Variants in CCBE1 observed in about 807,000 individuals in gnomAD.
CCBE1 encodes collagen and calcium-binding EGF domain-containing protein 1.
Under a neutral mutation model 50.0 loss-of-function variants are expected in CCBE1, and 37 were observed. The observed-to-expected ratio is 0.74, with a 90% confidence interval of 0.57 to 0.97. CCBE1 has a LOEUF of 0.97. Among genes scored for constraint, CCBE1 ranks in the 50% least tolerant of loss-of-function variants. The probability of loss-of-function intolerance (pLI) is 0.00; values close to 1 mark genes in which losing one functional copy is unlikely to be tolerated. For synonymous variants in CCBE1, 234 were observed against 203.7 expected (o/e 1.15, Z -1.27); for missense variants, 538 against 523.8 (o/e 1.03, Z -0.26).
chr18:59,662,389 A>G (rs1409857935), intron 2 of CCBE1, among the ~76,000 whole-genome samples: 1 of 152,258 alleles, frequency 6.6e-6, no homozygotes, highest in African/African-American at 2.4e-5. Flanking sequence ...TTTACAACGT[A>G]TATTACAAGG....
At chr18:59,535,842 C>T (rs1447684977) in intron 2 of CCBE1, among the ~76,000 whole-genome samples, 1 of 151,982 alleles carries the variant, frequency 6.6e-6, no homozygotes, top group Non-Finnish European at 1.5e-5. Flanking sequence ...ATAATAAAAT[C>T]AAGATTTAGG....
At chr18:59,665,792 A>T (rs1360719205) in intron 2 of CCBE1, among the ~76,000 whole-genome samples, 3 of 152,214 alleles carry the variant, frequency 2.0e-5, no homozygotes, top group Non-Finnish European at 4.4e-5. Context: ...GAGCAGAGCA[A>T]GTGGGTCTAG....
At chr18:59,540,612 CT>C (rs1915431049) in intron 2 of CCBE1, among the ~76,000 whole-genome samples, 2 of 152,330 alleles carry the variant, frequency 1.3e-5, no homozygotes, top group African/African-American at 4.8e-5. Flanking sequence ...CTTAACATGG[CT>C]GCTTCCACAA....
At chr18:59,645,370 A>T (rs1485937390) in intron 2 of CCBE1, among the ~76,000 whole-genome samples, 1 of 152,260 alleles carries the variant, frequency 6.6e-6, no homozygotes, top group Admixed American at 6.5e-5. Context: ...TGTGACAGGT[A>T]ACAGAAAATG....
At chr18:59,510,426 C>CTT (rs35277466) in intron 2 of CCBE1, among the ~76,000 whole-genome samples, 1 of 147,400 alleles carries the variant, frequency 6.8e-6, no homozygotes, top group Non-Finnish European at 1.5e-5. Flanking sequence ...GCAAATTGAA[C>CTT]TTTTTTTTTT....
chr18:59,630,668 A>T (rs1001681499), intron 2 of CCBE1, among the ~76,000 whole-genome samples: 18 of 152,224 alleles, frequency 1.2e-4, no homozygotes, highest in African/African-American at 3.9e-4. Context: ...CCTCTCCAGC[A>T]TGATGGTCTC....
At chr18:59,588,680 G>A (rs563895159) in intron 2 of CCBE1, among the ~76,000 whole-genome samples, 1 of 152,220 alleles carries the variant, frequency 6.6e-6, no homozygotes, top group Non-Finnish European at 1.5e-5. Flanking sequence ...CTAGCAATGA[G>A]AGCTAGCAAT....
chr18:59,500,112 C>T (rs1300643349), intron 2 of CCBE1, among the ~76,000 whole-genome samples: 2 of 152,184 alleles, frequency 1.3e-5, no homozygotes, highest in African/African-American at 4.8e-5. Flanking sequence ...GCAAGACTAT[C>T]CTGAGGACCT....
chr18:59,637,074 A>G (rs968399817), intron 2 of CCBE1, among the ~76,000 whole-genome samples: 1 of 152,200 alleles, frequency 6.6e-6, no homozygotes, highest in African/African-American at 2.4e-5. Context: ...CTCCCAATGC[A>G]TTACCTTAAG....
At position 59,435,279 on chromosome 18, in the gene CCBE1, C is replaced by T. The variant is rs1047281804; in HGVS notation, c.*629G>A. Reference sequence around the variant, plus strand: ...TAACAGTAAATATATGACTGTGATTCTTTTCTATCTTCTCTAAACGCCATT... The same window carrying T: ...TAACAGTAAATATATGACTGTGATTTTTTTCTATCTTCTCTAAACGCCATT... On this transcript the variant is annotated 3_prime_UTR_variant, in exon 11 of 11. Transcript: ENST00000439986. 6.5e-6 allele frequency: 1 copy of T among 155,012 alleles called. No homozygotes were observed. Among genetic ancestry groups the T allele is most frequent in the Non-Finnish European group, 1.4e-5 (1 of 69,880 alleles). 9.6% of individuals were successfully genotyped at this position (155,012 alleles called of 1,614,324 possible).
chr18:59,531,639 T>G (rs567195094), intron 2 of CCBE1, among the ~76,000 whole-genome samples: 1 of 152,212 alleles, frequency 6.6e-6, no homozygotes, highest in South Asian at 2.1e-4. Flanking sequence ...TCCCAGATAA[T>G]TGAGAGGCTG....
chr18:59,559,582 G>A (rs945368479), intron 2 of CCBE1, among the ~76,000 whole-genome samples: 3 of 152,204 alleles, frequency 2.0e-5, no homozygotes, highest in Admixed American at 6.5e-5. Flanking sequence ...TACAGCTGGC[G>A]GAAGCATAAA....
chr18:59,623,895 C>A (rs1382906111), intron 2 of CCBE1, among the ~76,000 whole-genome samples: 1 of 152,174 alleles, frequency 6.6e-6, no homozygotes, highest in African/African-American at 2.4e-5. Flanking sequence ...CAGCTCCTCA[C>A]TTTGGGAGAG....
chr18:59,648,566 C>T (rs563480565), intron 2 of CCBE1, among the ~76,000 whole-genome samples: 4 of 152,214 alleles, frequency 2.6e-5, no homozygotes, highest in East Asian at 3.9e-4. Flanking sequence ...ATTAGTCAGG[C>T]GTGGTGGCGC....
intron 2 of CCBE1, among the ~76,000 whole-genome samples, chr18:59,554,639 C>T (rs2052629953): frequency 6.6e-6 from 1 of 152,156 alleles, no homozygotes; most frequent in Admixed American, 6.5e-5. Flanking sequence ...ATAGAACAGG[C>T]CAACACTGGC....
chr18:59,509,494 C>T (rs1419841380), intron 2 of CCBE1, among the ~76,000 whole-genome samples: 1 of 152,000 alleles, frequency 6.6e-6, no homozygotes, highest in Non-Finnish European at 1.5e-5. Flanking sequence ...ATGATAAATA[C>T]TAGGAAAATG....
At chr18:59,494,153 C>A (rs935980984) in intron 2 of CCBE1, among the ~76,000 whole-genome samples, 3 of 152,184 alleles carry the variant, frequency 2.0e-5, no homozygotes, top group African/African-American at 7.2e-5. Context: ...TGTAATGTGT[C>A]CTCTCAGTAC....
intron 2 of CCBE1, among the ~76,000 whole-genome samples, chr18:59,633,863 C>A (rs1292366952): frequency 6.6e-6 from 1 of 151,874 alleles, no homozygotes; most frequent in Non-Finnish European, 1.5e-5. Flanking sequence ...GCATAAACTC[C>A]AAAACAAAGG....
chr18:59,697,195 G>A lies in CCBE1; in HGVS notation c.131+17C>T, dbSNP rs1443991386. 4 of 1,548,156 alleles carry A rather than the reference G, an allele frequency of 2.6e-6. No homozygotes were observed. Among genetic ancestry groups the A allele is most frequent in the African/African-American group, 2.7e-5 (2 of 72,984 alleles). On this transcript the variant is annotated intron_variant, in intron 1 of 10. Coordinates refer to ENST00000439986, the MANE Select transcript of CCBE1 (RefSeq NM_133459.4). The stretch of plus-strand genomic sequence containing the variant: ...TCAAGCAGGAGCTCGCCCTCCGCTG[G>A]GGCTTGCAGCGCTTACCTGTCGCCG...
Sources: allele counts gnomAD v4.1 joint callset (sites outside exome capture counted in the v4.1 genomes callset), GRCh38; gene constraint gnomAD v4.1.1; transcripts MANE v1.5; gene names NCBI Gene and HGNC (gene_info 2026-07-23, HGNC 2026-07-21).